The following DLGAP2 variants were observed in gnomAD, a reference collection of about 807,000 sequenced individuals.
DLGAP2 encodes the protein DLG associated protein 2.
A neutral mutation model predicts 100.3 loss-of-function variants in DLGAP2; 26 were observed. The ratio of observed to expected loss-of-function variants is 0.26; its 90% CI spans 0.19 to 0.36. The LOEUF is 0.36. Among genes scored for constraint, DLGAP2 ranks in the 10% least tolerant of loss-of-function variants. The pLI, the probability that DLGAP2 is intolerant of heterozygous loss-of-function variation, is 1.00. For missense variants in DLGAP2, 1,858 were observed against 1,453.2 expected, an observed-to-expected ratio of 1.28 and a Z score of -4.53; for synonymous variants, 886 against 630.1, an observed-to-expected ratio of 1.41 and a Z score of -6.08.
intron 2 of DLGAP2, among the ~76,000 whole-genome samples, chr8:1,005,599 T>G (rs1171667391): frequency 1.4e-5 from 2 of 144,086 alleles, no homozygotes; most frequent in African/African-American, 5.1e-5. Flanking sequence ...TTTTTTTTTT[T>G]GGTAGAGATG....
At chr8:1,165,631 C>G (rs1355132744) in intron 2 of DLGAP2, among the ~76,000 whole-genome samples, 3 of 152,340 alleles carry the variant, frequency 2.0e-5, no homozygotes, top group African/African-American at 7.2e-5. Context: ...CTGCGTGTGA[C>G]TGTTACATGA....
chr8:1,095,501 C>T (rs1804338569), intron 2 of DLGAP2, among the ~76,000 whole-genome samples: 1 of 152,210 alleles, frequency 6.6e-6, no homozygotes, highest in African/African-American at 2.4e-5. Flanking sequence ...TCAGAGTCTA[C>T]TTCCTGGTGA....
intron 4 of DLGAP2, among the ~76,000 whole-genome samples, chr8:1,507,744 C>G (rs996275130): frequency 2.6e-5 from 4 of 152,060 alleles, no homozygotes; most frequent in Non-Finnish European, 5.9e-5. Context: ...TTCGTTCACC[C>G]AGGTCCTCAG....
chr8:1,120,128 C>T (rs929591722), intron 2 of DLGAP2, among the ~76,000 whole-genome samples: 2 of 152,174 alleles, frequency 1.3e-5, no homozygotes, highest in East Asian at 1.9e-4. Context: ...ATTTCACCAC[C>T]GTTGGGTCTG....
intron 1 of DLGAP2, among the ~76,000 whole-genome samples, chr8:773,119 C>T (rs1160273875): frequency 6.6e-6 from 1 of 152,174 alleles, no homozygotes; most frequent in East Asian, 1.9e-4. Context: ...GCCTGAACAG[C>T]AGAAACTCAT....
intron 1 of DLGAP2, among the ~76,000 whole-genome samples, chr8:766,227 A>G (rs1207882328): frequency 6.6e-6 from 1 of 152,208 alleles, no homozygotes; most frequent in East Asian, 1.9e-4. Flanking sequence ...GCAATCACAC[A>G]CAGCTGCACA....
At chr8:1,019,525 G>A (rs2129024020) in intron 2 of DLGAP2, 1 of 151,914 alleles carries the variant, frequency 6.6e-6, no homozygotes, top group African/African-American at 2.4e-5. Context: ...CTAAAGAGAG[G>A]GGCAGAGCGA....
Position 1,459,846 on chromosome 8 carries a change from C to T in DLGAP2, c.107-41520C>T, listed in dbSNP as rs576949351. ...AATTGCAGGTGCGCACCACCACGCC[C>T]GGCTAATTTTTGTGTTTTTAGTAGA... is the stretch of plus-strand genomic sequence containing the variant. On this transcript the variant is annotated intron_variant, in intron 3 of 14. Coordinates refer to ENST00000637795, the MANE Select transcript of DLGAP2 (RefSeq NM_001346810.2). 1.6e-3 allele frequency among the ~76,000 whole-genome samples: 242 copies of T among 152,088 alleles called. 1 individual carries two copies. The highest frequency in any genetic ancestry group is 3.1e-3 in the East Asian group (16 of 5,168).
chr8:778,155 G>T (rs571330320), intron 1 of DLGAP2, among the ~76,000 whole-genome samples: 3 of 152,182 alleles, frequency 2.0e-5, no homozygotes, highest in South Asian at 4.1e-4. Context: ...TGAGGCTTCT[G>T]CATTCTTCAC....
intron 3 of DLGAP2, among the ~76,000 whole-genome samples, chr8:1,410,189 T>A (rs1796688018): frequency 6.6e-6 from 1 of 152,096 alleles, no homozygotes; most frequent in Non-Finnish European, 1.5e-5. Flanking sequence ...CAAGCTTCGA[T>A]CAGGGCCCAG....
chr8:1,301,247 C>T (rs889352289), intron 3 of DLGAP2: 4 of 152,426 alleles, frequency 2.6e-5, no homozygotes, highest in African/African-American at 9.6e-5. Context: ...CTGAGCCCTC[C>T]TGCAGGACCC....
chr8:1,539,260 G>A (rs1300570164), intron 4 of DLGAP2, among the ~76,000 whole-genome samples: 2 of 152,188 alleles, frequency 1.3e-5, no homozygotes, highest in African/African-American at 4.8e-5. Context: ...AGCTCAGGCA[G>A]CACATATTCT....
intron 2 of DLGAP2, among the ~76,000 whole-genome samples, chr8:1,113,976 T>G (rs1186818217): frequency 6.6e-6 from 1 of 152,208 alleles, no homozygotes; most frequent in Admixed American, 6.5e-5. Flanking sequence ...TGTCTTTAGT[T>G]CTGTTTATGT....
chr8:1,217,467 T>C (rs1021872244), intron 2 of DLGAP2, among the ~76,000 whole-genome samples: 1 of 152,212 alleles, frequency 6.6e-6, no homozygotes, highest in Admixed American at 6.5e-5. Context: ...CTATTGGGTA[T>C]ATACCCAGTA....
chr8:801,303 A>G (rs1408051485), intron 1 of DLGAP2, among the ~76,000 whole-genome samples: 2 of 152,226 alleles, frequency 1.3e-5, no homozygotes, highest in Non-Finnish European at 2.9e-5. Flanking sequence ...TGAGGAGATC[A>G]TCTGAGGAGT....
intron 3 of DLGAP2, among the ~76,000 whole-genome samples, chr8:1,373,323 C>A (rs1463816470): frequency 6.6e-6 from 1 of 151,764 alleles, no homozygotes; most frequent in South Asian, 2.1e-4. Context: ...AGCTGACGGG[C>A]GGGCCCTTCC....
At chr8:836,243 G>T (rs1278624950) in intron 1 of DLGAP2, among the ~76,000 whole-genome samples, 2 of 152,184 alleles carry the variant, frequency 1.3e-5, no homozygotes, top group Non-Finnish European at 2.9e-5. Flanking sequence ...CCAGTGCCCC[G>T]CAAGGCTCGG....
intron 3 of DLGAP2, chr8:1,377,814 G>C (rs972255881): frequency 2.0e-5 from 3 of 152,296 alleles, no homozygotes; most frequent in Non-Finnish European, 2.9e-5. Flanking sequence ...ATCCAGCTCC[G>C]TGCAGAACCC....
At chr8:1,448,808 T>G (rs1798055936) in intron 3 of DLGAP2, among the ~76,000 whole-genome samples, 1 of 152,176 alleles carries the variant, frequency 6.6e-6, no homozygotes, top group Non-Finnish European at 1.5e-5. Flanking sequence ...ATGACATCAA[T>G]CATTGCCCTG....
Sources: allele counts gnomAD v4.1 joint callset (sites outside exome capture counted in the v4.1 genomes callset), GRCh38; gene constraint gnomAD v4.1.1; transcripts MANE v1.5; gene names NCBI Gene and HGNC (gene_info 2026-07-23, HGNC 2026-07-21).